CNTN4: variants seen among roughly 807,000 people sequenced by gnomAD.
CNTN4 encodes contactin 4.
CNTN4 carries 77 observed loss-of-function variants against 122.5 expected under a neutral mutation model. That is an observed-to-expected ratio of 0.63 (90% confidence interval 0.52 to 0.76). The LOEUF is 0.76. Among genes scored for constraint, CNTN4 ranks in the 30% least tolerant of loss-of-function variants. The probability of loss-of-function intolerance (pLI) is 0.00; values close to 1 mark genes in which losing one functional copy is unlikely to be tolerated. For synonymous variants in CNTN4, 512 were observed against 447.0 expected, an observed-to-expected ratio of 1.15 and a Z score of -1.83; for missense variants, 1,256 against 1,259.1, an observed-to-expected ratio of 1.00 and a Z score of 0.04.
At chr3:2,614,308 G>A (rs1390157833) in intron 4 of CNTN4, among the ~76,000 whole-genome samples, 1 of 152,188 alleles carries the variant, frequency 6.6e-6, no homozygotes, top group Non-Finnish European at 1.5e-5. Context: ...TGAGGTCAGA[G>A]AGGTATGCGA....
At chr3:2,897,552 G>T (rs2094129160) in intron 10 of CNTN4, among the ~76,000 whole-genome samples, 1 of 152,082 alleles carries the variant, frequency 6.6e-6, no homozygotes, top group Non-Finnish European at 1.5e-5. Flanking sequence ...AAATGCTTGG[G>T]ACCAGAAGTG....
intron 4 of CNTN4, among the ~76,000 whole-genome samples, chr3:2,659,460 C>CAAAA (rs59025670): frequency 1.0e-3 from 56 of 53,670 alleles, no homozygotes; most frequent in East Asian, 2.0e-3. Context: ...GACTCCATCT[C>CAAAA]AAAAAAAAAA....
rs1055948829 is a variant in CNTN4, at chr3:2,417,534, A to T, written c.-89+78301A>T. On this transcript the variant is annotated intron_variant, in intron 3 of 24. Transcript: ENST00000418658. ...TTTAATAACCTGCCAGGAGACCTCT[A>T]GGGGAGTGATTGTAATAAACTAGCT... Among the ~76,000 whole-genome samples the T allele has an allele frequency of 5.3e-5, 8 of 152,302 alleles. 1 individual carries two copies. In the South Asian group the frequency reaches 1.4e-3, roughly 28 times the overall value.
chr3:2,951,500 A>G (rs563246350), intron 13 of CNTN4, among the ~76,000 whole-genome samples: 1 of 152,336 alleles, frequency 6.6e-6, no homozygotes, highest in South Asian at 2.1e-4. Context: ...GCCATGGACC[A>G]GTACCAGTCT....
At chr3:2,124,926 GT>G (rs1483786932) in intron 2 of CNTN4, among the ~76,000 whole-genome samples, 7 of 152,144 alleles carry the variant, frequency 4.6e-5, no homozygotes, top group Non-Finnish European at 7.3e-5. Flanking sequence ...ATCTCCAGAA[GT>G]TTCTTCCTGC....
At chr3:2,756,785 A>G (rs2090356665) in intron 6 of CNTN4, among the ~76,000 whole-genome samples, 1 of 152,212 alleles carries the variant, frequency 6.6e-6, no homozygotes, top group South Asian at 2.1e-4. Flanking sequence ...GCTGAAAGCC[A>G]CCAGAAGCTA....
chr3:2,351,839 A>G (rs2150448841), intron 3 of CNTN4, among the ~76,000 whole-genome samples: 1 of 151,184 alleles, frequency 6.6e-6, no homozygotes, highest in East Asian at 2.0e-4. Context: ...GGAATGGGGG[A>G]TTGTTGGTCA....
chr3:2,981,205 C>G (rs532480056), intron 13 of CNTN4, among the ~76,000 whole-genome samples: 42 of 152,158 alleles, frequency 2.8e-4, no homozygotes, highest in East Asian at 9.7e-4. Flanking sequence ...AGCACTTTGG[C>G]AGGCCGAGGC....
At chr3:2,572,003 C>T (rs1011669723) in intron 4 of CNTN4, among the ~76,000 whole-genome samples, 1 of 152,100 alleles carries the variant, frequency 6.6e-6, no homozygotes, top group African/African-American at 2.4e-5. Flanking sequence ...TTTTTCATTT[C>T]AATGTACTAC....
intron 3 of CNTN4, among the ~76,000 whole-genome samples, chr3:2,468,760 T>C (rs921525597): frequency 6.6e-6 from 1 of 152,084 alleles, no homozygotes; most frequent in Non-Finnish European, 1.5e-5. Flanking sequence ...TTCTCATGCA[T>C]CTCAAGGTAT....
intron 2 of CNTN4, among the ~76,000 whole-genome samples, chr3:2,315,507 G>A (rs1024479455): frequency 6.6e-6 from 1 of 151,854 alleles, no homozygotes; most frequent in African/African-American, 2.4e-5. Flanking sequence ...GTGGGCTTAC[G>A]AGATTTCTAT....
intron 4 of CNTN4, among the ~76,000 whole-genome samples, chr3:2,716,048 T>G (rs1015298997): frequency 2.6e-5 from 4 of 152,088 alleles, no homozygotes; most frequent in African/African-American, 9.7e-5. Context: ...CACTGCAGCC[T>G]CAACCTCCTG....
intron 3 of CNTN4, among the ~76,000 whole-genome samples, chr3:2,527,962 C>T (rs1190172855): frequency 6.6e-6 from 1 of 152,138 alleles, no homozygotes; most frequent in Non-Finnish European, 1.5e-5. Context: ...TGTCTCCCTT[C>T]ATTTCTAGGT....
intron 7 of CNTN4, among the ~76,000 whole-genome samples, chr3:2,845,951 T>C (rs1488873890): frequency 6.6e-6 from 1 of 152,230 alleles, no homozygotes; most frequent in Non-Finnish European, 1.5e-5. Flanking sequence ...ATTAATGGCA[T>C]CTGAATTATT....
At chr3:2,827,756 G>T (rs750343051) in intron 7 of CNTN4, among the ~76,000 whole-genome samples, 1 of 152,098 alleles carries the variant, frequency 6.6e-6, no homozygotes, top group Non-Finnish European at 1.5e-5. Flanking sequence ...TCTATTTAGC[G>T]TGTACAGTAT....
chr3:3,009,219 C>T (rs1036987952), intron 14 of CNTN4, among the ~76,000 whole-genome samples: 2 of 152,166 alleles, frequency 1.3e-5, no homozygotes, highest in African/African-American at 4.8e-5. Context: ...CAGAGAGCCT[C>T]TTTCTCTGGG....
chr3:2,799,536 C>T lies in CNTN4; in HGVS notation c.359-19950C>T, dbSNP rs199809144. On this transcript the variant is annotated intron_variant, in intron 6 of 24. Transcript: ENST00000418658. ...GGAGTGCAGTGGCACAATCTCGGGTCACTGCAACCTCTGCCTCCGGGGTTC... is the reference window on the plus strand; with the variant it reads ...GGAGTGCAGTGGCACAATCTCGGGTTACTGCAACCTCTGCCTCCGGGGTTC... 3.9e-5 allele frequency among the ~76,000 whole-genome samples: 6 copies of T among 152,040 alleles called. No homozygotes were observed. In the East Asian group the frequency reaches 9.7e-4, roughly 25 times the overall value.
chr3:3,037,519 G>A, intron 18 of CNTN4, 191 bp downstream of exon 18: 2 of 738,698 alleles, frequency 2.7e-6, no homozygotes, highest in Non-Finnish European at 4.6e-6. Flanking sequence ...TCAATCAAGA[G>A]TTGTTTTCTT....
intron 3 of CNTN4, among the ~76,000 whole-genome samples, chr3:2,460,416 G>T (rs1445566879): frequency 2.0e-5 from 3 of 152,056 alleles, no homozygotes; most frequent in Non-Finnish European, 4.4e-5. Context: ...TCAATTCATG[G>T]TTCTGTGAAT....
Sources: allele counts gnomAD v4.1 joint callset (sites outside exome capture counted in the v4.1 genomes callset), GRCh38; gene constraint gnomAD v4.1.1; transcripts MANE v1.5; gene names NCBI Gene and HGNC (gene_info 2026-07-23, HGNC 2026-07-21).